PCDHGA7: variants seen among roughly 807,000 people sequenced by gnomAD.
PCDHGA7 encodes protocadherin gamma-A7.
Under a neutral mutation model 58.3 loss-of-function variants are expected in PCDHGA7, and 44 were observed. That is an observed-to-expected ratio of 0.75 (90% CI 0.59 to 0.97). The LOEUF (loss-of-function observed/expected upper bound fraction) is 0.97. Ranked by LOEUF, PCDHGA7 falls within the 50% of genes least tolerant of loss-of-function variation. PCDHGA7 has a pLI of 0.00. For synonymous variants in PCDHGA7, 516 were observed against 504.2 expected, an observed-to-expected ratio of 1.02 and a Z score of -0.31; for missense variants, 1,266 against 1,188.7, an observed-to-expected ratio of 1.06 and a Z score of -0.96.
intron 1 of PCDHGA7, chr5:141,420,239 C>G (rs984335177): frequency 1.3e-6 from 2 of 1,593,300 alleles, no homozygotes; most frequent in African/African-American, 2.7e-5. Flanking sequence ...CATTTTAACT[C>G]CCAGCGTTGA....
At chr5:141,417,897 C>T (rs2096182334) in intron 1 of PCDHGA7, 1 of 1,578,084 alleles carries the variant, frequency 6.3e-7, no homozygotes, top group African/African-American at 1.4e-5. Context: ...CGGGCCGGCC[C>T]GCGGCAGGTA....
rs942270362 is a variant in PCDHGA7 at position 141,394,773 on chromosome 5, C to T, written c.2424+9450C>T. On this transcript the variant is annotated intron_variant, in intron 1 of 3. Coordinates refer to ENST00000518325, the MANE Select transcript of PCDHGA7 (RefSeq NM_018920.4). ...CGTCCAGGACCATGGCCAGCCCCCT[C>T]TCTCCGCCACTGTCACGCTCACCGT... 4.3e-5 allele frequency: 70 copies of T among 1,613,400 alleles called. No homozygotes were observed. The highest frequency in any genetic ancestry group is 5.6e-5 in the Non-Finnish European group (66 of 1,179,978).
intron 1 of PCDHGA7, among the ~76,000 whole-genome samples, chr5:141,386,362 G>A (rs1285554716): frequency 6.6e-6 from 1 of 152,108 alleles, no homozygotes; most frequent in African/African-American, 2.4e-5. Context: ...CTTGATTCCA[G>A]AGACCTTTGA....
intron 1 of PCDHGA7, among the ~76,000 whole-genome samples, chr5:141,446,473 G>C (rs558209769): frequency 2.0e-4 from 29 of 148,138 alleles, no homozygotes; most frequent in Non-Finnish European, 1.5e-4. Context: ...TAGACATATG[G>C]TCATCATTCT....
intron 1 of PCDHGA7, chr5:141,408,072 T>G (rs1047187961): frequency 1.7e-5 from 24 of 1,388,622 alleles, no homozygotes; most frequent in Middle Eastern, 2.6e-4. Flanking sequence ...CGCAGACCTT[T>G]CCCAGCACAG....
chr5:141,388,424 GATAA>G, intron 1 of PCDHGA7: 1 of 1,613,812 alleles, frequency 6.2e-7, no homozygotes, highest in Non-Finnish European at 8.5e-7. Context: ...ATTTCTCACT[GATAA>G]ATAAAGAGAA....
intron 1 of PCDHGA7, chr5:141,404,569 C>T (rs887708182): frequency 6.2e-7 from 1 of 1,613,608 alleles, no homozygotes; most frequent in African/African-American, 1.3e-5. Context: ...ACAGTGGAAG[C>T]CCACCACTTA....
chr5:141,477,671 G>A lies in PCDHGA7; in HGVS notation c.2425-17136G>A, dbSNP rs1022028453. The A allele has an allele frequency of 1.2e-6, 2 of 1,614,198 alleles. No individual in the cohort carries two copies. Among genetic ancestry groups the A allele is most frequent in the Non-Finnish European group, 1.7e-6 (2 of 1,180,048 alleles). Reference sequence around the variant, plus strand: ...CACAATAAATCGTGACAATGGCATAGTGTCATCCTTAGTGCCCCTAGACTA... The same window carrying A: ...CACAATAAATCGTGACAATGGCATAATGTCATCCTTAGTGCCCCTAGACTA... On this transcript the variant is annotated intron_variant, in intron 1 of 3. Coordinates refer to ENST00000518325, the MANE Select transcript of PCDHGA7 (RefSeq NM_018920.4). This position sits in a 1 kb window ranked among gnomAD's most constrained non-coding sequence, Gnocchi z 4.9.
chr5:141,475,739 T>C (rs190533989), intron 1 of PCDHGA7, among the ~76,000 whole-genome samples: 593 of 152,384 alleles, frequency 3.9e-3, no homozygotes, highest in Non-Finnish European at 6.7e-3. Flanking sequence ...TTCCCTAAGG[T>C]AGGTTTCCTA....
In PCDHGA7 at chr5:141,489,077, C is replaced by CCCCCCACCGGG; in HGVS notation, c.2425-5730_2425-5729insCCCCCACCGGG. ...AGCTCCCCTCCCCCCTGCCCACCCCCGCCACTCGGTGACTAAGAACTGCTG... is the reference window on the plus strand; with the variant it reads ...AGCTCCCCTCCCCCCTGCCCACCCCCCCCCCACCGGGGCCACTCGGTGACTAAGAACTGCTG... On this transcript the variant is annotated intron_variant, in intron 1 of 3. Transcript: ENST00000518325. The surrounding 1 kb of genome is among the most constrained non-coding windows in gnomAD (Gnocchi z 4.5). 6.1e-6 allele frequency: 2 copies of CCCCCCACCGGG among 325,756 alleles called. No individual in the cohort carries two copies. Among genetic ancestry groups the CCCCCCACCGGG allele is most frequent in the Non-Finnish European group, 5.5e-6 (1 of 181,460 alleles). The allele number at this position is 325,756 out of a possible 1,614,324, so 20.2% of individuals were successfully genotyped here.
intron 1 of PCDHGA7, chr5:141,403,154 T>G (rs1166937788): frequency 6.2e-7 from 1 of 1,614,024 alleles, no homozygotes; most frequent in Non-Finnish European, 8.5e-7. Flanking sequence ...CCGCATCGTC[T>G]CTAGAGGTAG....
rs201372696 is a variant in PCDHGA7, at chr5:141,400,469, C to T, written c.2424+15146C>T. On this transcript the variant is annotated intron_variant, in intron 1 of 3. Coordinates refer to ENST00000518325, the MANE Select transcript of PCDHGA7 (RefSeq NM_018920.4). ...CAAGACATACTTTGTGGTGATTCATCTGGGGCCTTATTTCCACTTTGTAAT... is the reference window on the plus strand; with the variant it reads ...CAAGACATACTTTGTGGTGATTCATTTGGGGCCTTATTTCCACTTTGTAAT... 15 of 1,613,944 alleles carry T rather than the reference C, an allele frequency of 9.3e-6. No individual in the cohort carries two copies. The African/African-American group carries it at 1.9e-4, about 20-fold the overall frequency.
In PCDHGA7 at chr5:141,511,281, G is replaced by A; in HGVS notation, c.*108G>A. The A allele has an allele frequency of 2.0e-6, 3 of 1,531,280 alleles. No homozygotes were observed. Among genetic ancestry groups the A allele is most frequent in the Non-Finnish European group, 2.6e-6 (3 of 1,137,132 alleles). 94.9% of individuals were successfully genotyped at this position (1,531,280 alleles called of 1,614,324 possible). ...TTCAGGGCTAACCCCCAGAATACTG[G>A]TAGGGGCCAAGGCCATGCTCCCCTT... On this transcript the variant is annotated 3_prime_UTR_variant, in exon 4 of 4. Transcript: ENST00000518325.
chr5:141,431,604 G>C lies in PCDHGA7; in HGVS notation c.2424+46281G>C. 1 of 1,614,206 alleles carries C rather than the reference G, an allele frequency of 6.2e-7. No individual in the cohort carries two copies. Among genetic ancestry groups the C allele is most frequent in the South Asian group, 1.1e-5 (1 of 91,088 alleles). On this transcript the variant is annotated intron_variant, in intron 1 of 3. Coordinates refer to ENST00000518325, the MANE Select transcript of PCDHGA7 (RefSeq NM_018920.4). The surrounding 1 kb of genome is among the most constrained non-coding windows in gnomAD (Gnocchi z 4.8). ...AATGCGGAAGTGAGGTATTCCTTCC[G>C]GTATGTGGACGACAAGGCGGCCCAA...
intron 1 of PCDHGA7, chr5:141,471,417 T>A (rs1174855045): frequency 6.6e-6 from 1 of 152,190 alleles, no homozygotes; most frequent in Non-Finnish European, 1.5e-5. Flanking sequence ...GTTATGTTTT[T>A]AGCAAGGAAA....
chr5:141,383,357 CG>C lies in PCDHGA7; in HGVS notation c.459del (p.Leu154Ter), dbSNP rs1779064068. The C allele has an allele frequency of 1.2e-6, 2 of 1,613,956 alleles. No individual in the cohort carries two copies. The highest frequency in any genetic ancestry group is 1.7e-6 in the Non-Finnish European group (2 of 1,179,898). ...AATACAGCTCCTGGGGTTCGGTTTC[CG>C]TTAAGCGAGGCTGGGGATCCAGATG... is the stretch of plus-strand genomic sequence containing the variant. ...MENTAPGVRF[P>X]LSEAGDPDVG... is the part of the protein sequence containing the mutation. On this transcript the variant is annotated frameshift_variant, in exon 1 of 4. Coordinates refer to ENST00000518325, the MANE Select transcript of PCDHGA7 (RefSeq NM_018920.4). LOFTEE classifies it high-confidence loss of function.
At chr5:141,392,979 C>T (rs1356713892) in intron 1 of PCDHGA7, 4 of 1,613,718 alleles carry the variant, frequency 2.5e-6, no homozygotes, top group Admixed American at 1.7e-5. Context: ...GGGGCTGGAC[C>T]CCCGGAAGCT....
At chr5:141,419,457 A>AGGCCCGCGACCAGGGCT in intron 1 of PCDHGA7, 2 of 1,612,728 alleles carry the variant, frequency 1.2e-6, no homozygotes, top group Non-Finnish European at 1.7e-6. Context: ...CTCACGCTGC[A>AGGCCCGCGACCAGGGCT]GGCCCGCGAC....
chr5:141,457,410 C>G (rs746966828), intron 1 of PCDHGA7, among the ~76,000 whole-genome samples: 1 of 152,182 alleles, frequency 6.6e-6, no homozygotes, highest in Non-Finnish European at 1.5e-5. Context: ...TTTCACATTA[C>G]CCATCCCTTT....
Sources: gnomAD v4.1 joint callset for allele counts (sites outside exome capture counted in the v4.1 genomes callset) on GRCh38, gnomAD v4.1.1 for gene constraint, Gnocchi (gnomAD v3.1) non-coding constraint, MANE v1.5 for transcripts, NCBI Gene and HGNC (gene_info 2026-07-23, HGNC 2026-07-21) for gene names.